ZNF329: variants seen among roughly 807,000 people sequenced by gnomAD.
ZNF329 encodes the protein zinc finger protein 329.
A neutral mutation model predicts 26.6 loss-of-function variants in ZNF329; 15 were observed. The ratio of observed to expected loss-of-function variants is 0.56; its 90% CI spans 0.38 to 0.87. The LOEUF is 0.87. ZNF329 is among the 40% of genes least tolerant of loss of function. The probability of loss-of-function intolerance (pLI) is 0.00; values close to 1 mark genes in which losing one functional copy is unlikely to be tolerated. For synonymous variants in ZNF329, 239 were observed against 233.5 expected (o/e 1.02, Z -0.21); for missense variants, 651 against 651.9 (o/e 1.00, Z 0.02).
At position 58,127,725 on chromosome 19, in the gene ZNF329, T is replaced by A. The variant is rs886642128; in HGVS notation, c.*153A>T. The A allele has an allele frequency of 1.3e-5, 10 of 779,068 alleles. No homozygotes were observed. Among genetic ancestry groups the A allele is most frequent in the Non-Finnish European group, 1.8e-5 (9 of 497,716 alleles). 48.3% of individuals were successfully genotyped at this position (779,068 alleles called of 1,614,324 possible). ...CTCTGGAGTTCCCCAATGAGCAGACTTAACAGTGTGGCTCAGCAATGTCTC... is the reference window on the plus strand; with the variant it reads ...CTCTGGAGTTCCCCAATGAGCAGACATAACAGTGTGGCTCAGCAATGTCTC... On this transcript the variant is annotated 3_prime_UTR_variant, in exon 4 of 4. Transcript: ENST00000598312.
upstream of ZNF329, among the ~76,000 whole-genome samples, chr19:58,154,353 C>T (rs2075508128): frequency 6.6e-6 from 1 of 152,166 alleles, no homozygotes; most frequent in Non-Finnish European, 1.5e-5. Context: ...CTCAACATCC[C>T]TTTCAGGCCT....
upstream of ZNF329, among the ~76,000 whole-genome samples, chr19:58,154,366 A>G (rs1568683403): frequency 6.6e-6 from 1 of 152,052 alleles, no homozygotes; most frequent in Non-Finnish European, 1.5e-5. Flanking sequence ...TCAGGCCTTC[A>G]CTGACCTATG....
chr19:58,138,491 G>A (rs925537667), intron 3 of ZNF329, among the ~76,000 whole-genome samples: 1 of 152,114 alleles, frequency 6.6e-6, no homozygotes, highest in South Asian at 2.1e-4. Flanking sequence ...CAGTCAGGAG[G>A]ACCATGCTCC....
In ZNF329 at chr19:58,136,684, CAAAAAAAAAAA is replaced by C. The variant is rs56293356; in HGVS notation, c.-9+5862_-9+5872del. On this transcript the variant is annotated intron_variant, in intron 3 of 3. Transcript: ENST00000598312. Reference sequence around the variant, plus strand: ...CTGGGTGACAGAGTAAGACTGTCTCCAAAAAAAAAAAAAAAAAAAAAAAAGGGACTAAAGAT... The same window carrying C: ...CTGGGTGACAGAGTAAGACTGTCTCCAAAAAAAAAAAAAGGGACTAAAGAT... 546 of 88,672 alleles carry C rather than the reference CAAAAAAAAAAA, an allele frequency of 6.2e-3. 10 individuals are homozygous for C. Among genetic ancestry groups the C allele is most frequent in the Admixed American group, 8.4e-3 (59 of 7,034 alleles). 5.5% of individuals were successfully genotyped at this position (88,672 alleles called of 1,614,324 possible). A position where few individuals can be genotyped will look rare whatever the true frequency, so the allele number is the denominator to read the frequency against.
upstream of ZNF329, among the ~76,000 whole-genome samples, chr19:58,152,496 G>A (rs962241501): frequency 6.7e-5 from 10 of 149,546 alleles, no homozygotes; most frequent in African/African-American, 1.5e-4. Flanking sequence ...GACTCCCCCC[G>A]CCCCCAGCTC....
chr19:58,144,593 C>T (rs112803660), intron 1 of ZNF329, among the ~76,000 whole-genome samples: 2,393 of 151,542 alleles, frequency 0.016, 51 homozygotes, highest in African/African-American at 0.053. Flanking sequence ...TTCACCAAGT[C>T]GGCCAGGCTG....
intron 1 of ZNF329, among the ~76,000 whole-genome samples, chr19:58,145,569 G>A (rs2075290019): frequency 1.3e-5 from 2 of 152,152 alleles, no homozygotes; most frequent in Admixed American, 6.5e-5. Context: ...TGATCTACCC[G>A]CCTCAGCTTC....
At chr19:58,149,838 A>G (rs2075409416) in intron 1 of ZNF329, among the ~76,000 whole-genome samples, 1 of 152,178 alleles carries the variant, frequency 6.6e-6, no homozygotes. Context: ...CTGAAAGTCA[A>G]TTTTGGCTCA....
intron 3 of ZNF329, among the ~76,000 whole-genome samples, chr19:58,134,597 T>C (rs1568663604): frequency 6.6e-6 from 1 of 152,122 alleles, no homozygotes; most frequent in Non-Finnish European, 1.5e-5. Flanking sequence ...AAGAAAAATT[T>C]CAAGTGAGGA....
At position 58,142,625 on chromosome 19, in the gene ZNF329, T is replaced by G. The variant is rs1289045765; in HGVS notation, c.-77A>C. On this transcript the variant is annotated 5_prime_UTR_variant, in exon 3 of 4. An upstream open reading frame in the 5' UTR loses its in-frame stop. Coordinates refer to ENST00000598312, the MANE Select transcript of ZNF329 (RefSeq NM_024620.4). ...CTTGACATCGATGGTTGCTGGACATTAGCCATTTATGCCCATCCACACGGC... is the reference window on the plus strand; with the variant it reads ...CTTGACATCGATGGTTGCTGGACATGAGCCATTTATGCCCATCCACACGGC... 3 of 152,684 alleles carry G rather than the reference T, an allele frequency of 2.0e-5. No individual in the cohort carries two copies. The highest frequency in any genetic ancestry group is 4.4e-5 in the Non-Finnish European group (3 of 68,056). 9.5% of individuals were successfully genotyped at this position (152,684 alleles called of 1,614,324 possible). A position where few individuals can be genotyped will look rare whatever the true frequency, so the allele number is the denominator to read the frequency against.
chr19:58,147,384 T>C (rs2075340730), intron 1 of ZNF329, among the ~76,000 whole-genome samples: 1 of 142,472 alleles, frequency 7.0e-6, no homozygotes, highest in Admixed American at 6.9e-5. Flanking sequence ...GTGAGGAGCG[T>C]CTCCGCCTGG....
upstream of ZNF329, among the ~76,000 whole-genome samples, chr19:58,152,719 T>G (rs2075479158): frequency 6.6e-6 from 1 of 151,524 alleles, no homozygotes; most frequent in South Asian, 2.1e-4. Flanking sequence ...TAGCCGGGGG[T>G]GGTGGCGGGT....
At chr19:58,130,069 C>A (rs2074902803) in intron 3 of ZNF329, among the ~76,000 whole-genome samples, 3 of 152,206 alleles carry the variant, frequency 2.0e-5, no homozygotes, top group African/African-American at 7.2e-5. Context: ...CCTGTAATCC[C>A]AGCACTTTGG....
At chr19:58,134,972 C>T (rs1246877101) in intron 3 of ZNF329, among the ~76,000 whole-genome samples, 1 of 152,020 alleles carries the variant, frequency 6.6e-6, no homozygotes, top group East Asian at 1.9e-4. Flanking sequence ...AACAAAAAAA[C>T]ACAGAGCAAA....
chr19:58,133,467 G>T (rs1190801108), intron 3 of ZNF329, among the ~76,000 whole-genome samples: 1 of 151,936 alleles, frequency 6.6e-6, no homozygotes, highest in African/African-American at 2.4e-5. Flanking sequence ...GCGCCTGTTA[G>T]TCCCAACTAC....
In ZNF329 at chr19:58,142,611, T is replaced by C. The variant is rs1300405969; in HGVS notation, c.-63A>G. The C allele has an allele frequency of 1.3e-5, 2 of 152,676 alleles. No homozygotes were observed. The highest frequency in any genetic ancestry group is 4.8e-5 in the African/African-American group (2 of 41,470). The allele number at this position is 152,676 out of a possible 1,614,324, so 9.5% of individuals were successfully genotyped here. A position where few individuals can be genotyped will look rare whatever the true frequency, so the allele number is the denominator to read the frequency against. ...CAGGTGTGTGGATACTTGACATCGA[T>C]GGTTGCTGGACATTAGCCATTTATG... is the stretch of plus-strand genomic sequence containing the variant. On this transcript the variant is annotated 5_prime_UTR_variant, in exon 3 of 4. Transcript: ENST00000598312.
At chr19:58,144,825 C>T (rs1414825918) in intron 1 of ZNF329, among the ~76,000 whole-genome samples, 6 of 149,510 alleles carry the variant, frequency 4.0e-5, no homozygotes, top group African/African-American at 1.2e-4. Context: ...TAGGAGTATG[C>T]CATCACACCT....
chr19:58,147,325 G>T (rs1313800169), intron 1 of ZNF329, among the ~76,000 whole-genome samples: 3 of 147,658 alleles, frequency 2.0e-5, no homozygotes, highest in Admixed American at 2.0e-4. Context: ...CAGCCGCCCC[G>T]TCTGAGAAGT....
chr19:58,127,812 ATCTAAGACAC>A lies in ZNF329; in HGVS notation c.*56_*65del. The A allele has an allele frequency of 1.4e-6, 2 of 1,433,256 alleles. No homozygotes were observed. Among genetic ancestry groups the A allele is most frequent in the Non-Finnish European group, 1.9e-6 (2 of 1,055,020 alleles). 88.8% of individuals were successfully genotyped at this position (1,433,256 alleles called of 1,614,324 possible). A position where few individuals can be genotyped will look rare whatever the true frequency, so the allele number is the denominator to read the frequency against. ...TTTCTACTGACCAGAGAGGAGTCAG[ATCTAAGACAC>A]GCCTCCTAAACACAGGAGTGAGAGT... On this transcript the variant is annotated 3_prime_UTR_variant, in exon 4 of 4. Transcript: ENST00000598312.
Sources: gnomAD v4.1 joint callset for allele counts (sites outside exome capture counted in the v4.1 genomes callset) on GRCh38, gnomAD v4.1.1 for gene constraint, MANE v1.5 for transcripts, NCBI Gene and HGNC (gene_info 2026-07-23, HGNC 2026-07-21) for gene names.